CSMD1: variants seen among roughly 807,000 people sequenced by gnomAD.
CSMD1 encodes the protein CUB and sushi domain-containing protein 1.
In CSMD1, 213 loss-of-function variants were observed where a neutral mutation model predicts 417.5. The observed-to-expected ratio is 0.51, with a 90% CI of 0.46 to 0.57. The LOEUF (loss-of-function observed/expected upper bound fraction) is 0.57. Among genes scored for constraint, CSMD1 ranks in the 20% least tolerant of loss-of-function variants. CSMD1 has a pLI of 0.00. For synonymous variants in CSMD1, 2,862 were observed against 1,736.8 expected, an observed-to-expected ratio of 1.65 and a Z score of -16.11; for missense variants, 6,923 against 4,529.7, an observed-to-expected ratio of 1.53 and a Z score of -15.17.
chr8:4,300,093 T>G (rs939437711), intron 3 of CSMD1, among the ~76,000 whole-genome samples: 1 of 152,238 alleles, frequency 6.6e-6, no homozygotes, highest in Admixed American at 6.5e-5. Context: ...GGATTTGATT[T>G]GCCCATTTGC....
intron 1 of CSMD1, among the ~76,000 whole-genome samples, chr8:4,924,712 A>G: frequency 8.1e-6 from 1 of 123,824 alleles, no homozygotes; most frequent in African/African-American, 3.2e-5. Context: ...ACAAGAATGA[A>G]ACTCCATCTC....
intron 22 of CSMD1, 41 bp downstream of exon 22, chr8:3,347,951 A>G: frequency 2.1e-6 from 3 of 1,436,764 alleles, no homozygotes; most frequent in Non-Finnish European, 2.8e-6. Flanking sequence ...TTTTTTGAGA[A>G]GAAAACTTGG....
intron 1 of CSMD1, among the ~76,000 whole-genome samples, chr8:4,795,332 C>A (rs1473846479): frequency 8.2e-6 from 1 of 121,874 alleles, no homozygotes; most frequent in Non-Finnish European, 1.6e-5. Context: ...AGTGCAGTGA[C>A]ACGATCTTGG....
intron 3 of CSMD1, among the ~76,000 whole-genome samples, chr8:4,038,828 C>T (rs2740913): frequency 0.77 from 117,181 of 152,068 alleles, 45,650 homozygotes; most frequent in African/African-American, 0.89. Flanking sequence ...CCACTGGACC[C>T]CATGAAGCCA....
intron 35 of CSMD1, 91 bp from the exon 36 acceptor site, chr8:3,188,056 G>C (rs953006597): frequency 3.1e-6 from 2 of 651,482 alleles, no homozygotes; most frequent in Admixed American, 5.2e-5. Flanking sequence ...CATGATTAAG[G>C]TGTATATGTA....
chr8:4,025,385 A>C (rs760096841), intron 4 of CSMD1, among the ~76,000 whole-genome samples: 4 of 152,234 alleles, frequency 2.6e-5, no homozygotes, highest in African/African-American at 7.2e-5. Context: ...CCTAGATCTC[A>C]AAGTAATTTA....
intron 10 of CSMD1, among the ~76,000 whole-genome samples, chr8:3,540,227 T>G (rs1798380616): frequency 6.6e-6 from 1 of 152,220 alleles, no homozygotes; most frequent in Admixed American, 6.5e-5. Flanking sequence ...AAACAATGAA[T>G]TTTAACCAGC....
intron 5 of CSMD1, among the ~76,000 whole-genome samples, chr8:3,773,698 T>G (rs1245203248): frequency 6.6e-6 from 1 of 152,154 alleles, no homozygotes; most frequent in African/African-American, 2.4e-5. Flanking sequence ...GCATCTTAAT[T>G]GAGTTCCCAC....
intron 7 of CSMD1, chr8:3,702,239 C>G (rs1205412254): frequency 6.6e-6 from 1 of 152,192 alleles, no homozygotes; most frequent in African/African-American, 2.4e-5. Context: ...ACTGCAAATG[C>G]TCCTCCGTAC....
chr8:4,325,917 C>G (rs907515362), intron 3 of CSMD1, among the ~76,000 whole-genome samples: 2 of 152,164 alleles, frequency 1.3e-5, no homozygotes, highest in African/African-American at 4.8e-5. Flanking sequence ...AGCAGATTTA[C>G]ATGCTGGCTG....
intron 3 of CSMD1, among the ~76,000 whole-genome samples, chr8:4,057,353 G>C (rs890206662): frequency 6.6e-6 from 1 of 151,948 alleles, no homozygotes; most frequent in Non-Finnish European, 1.5e-5. Flanking sequence ...GTCTGTTCAT[G>C]TCCTTCGCCT....
chr8:4,338,409 G>C (rs988674904), intron 3 of CSMD1, among the ~76,000 whole-genome samples: 9 of 152,168 alleles, frequency 5.9e-5, no homozygotes, highest in African/African-American at 2.2e-4. Context: ...TACTAGTGTG[G>C]ATGAATCAAG....
Position 4,800,193 on chromosome 8 carries a change from C to T in CSMD1, c.86-162635G>A, listed in dbSNP as rs1798202062. Among the ~76,000 whole-genome samples, 10 of 152,114 alleles carry T rather than the reference C, an allele frequency of 6.6e-5. No homozygotes were observed. In the South Asian group the frequency reaches 1.9e-3, roughly 28 times the overall value. ...ACGGCTCATGCCTATAACCCCAGCA[C>T]GTTGGGAAGCCAAGGCGGATGGATC... On this transcript the variant is annotated intron_variant, in intron 1 of 69. Transcript: ENST00000635120.
intron 10 of CSMD1, among the ~76,000 whole-genome samples, chr8:3,503,538 G>A (rs1377903505): frequency 4.6e-5 from 7 of 152,232 alleles, no homozygotes; most frequent in African/African-American, 1.7e-4. Context: ...CTCCCAGATG[G>A]TTCTCTGGAC....
At chr8:3,908,757 C>A (rs180867164) in intron 5 of CSMD1, among the ~76,000 whole-genome samples, 1 of 152,272 alleles carries the variant, frequency 6.6e-6, no homozygotes, top group Admixed American at 6.5e-5. Flanking sequence ...CCAAAGGCAC[C>A]AAACTGGCTT....
intron 3 of CSMD1, among the ~76,000 whole-genome samples, chr8:4,267,791 T>C (rs1804313453): frequency 6.6e-6 from 1 of 152,098 alleles, no homozygotes; most frequent in Non-Finnish European, 1.5e-5. Flanking sequence ...TGAACAATGG[T>C]ATGAAAAGGT....
chr8:3,969,274 C>A (rs1029507527), intron 5 of CSMD1, among the ~76,000 whole-genome samples: 1 of 152,102 alleles, frequency 6.6e-6, no homozygotes, highest in African/African-American at 2.4e-5. Context: ...AAAAGAGTGG[C>A]TGTAGCTGCA....
chr8:3,926,146 A>T (rs966151807), intron 5 of CSMD1, among the ~76,000 whole-genome samples: 1 of 150,616 alleles, frequency 6.6e-6, no homozygotes, highest in Non-Finnish European at 1.5e-5. Flanking sequence ...TGGTGTGTAT[A>T]GGTGGGGGTT....
chr8:3,006,921 A>G (rs2128960170), intron 52 of CSMD1, among the ~76,000 whole-genome samples: 1 of 141,364 alleles, frequency 7.1e-6, no homozygotes, highest in East Asian at 2.0e-4. Context: ...AAATTGACAA[A>G]TGGGATCTAA....
Sources: gnomAD v4.1 joint callset for allele counts (sites outside exome capture counted in the v4.1 genomes callset) on GRCh38, gnomAD v4.1.1 for gene constraint, MANE v1.5 for transcripts, NCBI Gene and HGNC (gene_info 2026-07-23, HGNC 2026-07-21) for gene names.